MEMO1: variants seen among roughly 807,000 people sequenced by gnomAD.
The protein encoded by MEMO1 is protein MEMO1.
In MEMO1, 6 loss-of-function variants were observed where a neutral mutation model predicts 45.2. The observed-to-expected ratio is 0.13, with a 90% CI of 0.07 to 0.26. The LOEUF (loss-of-function observed/expected upper bound fraction) is 0.26. MEMO1 is among the 10% of genes least tolerant of loss of function. The pLI, the probability that MEMO1 is intolerant of heterozygous loss-of-function variation, is 1.00. For synonymous variants in MEMO1, 78 were observed against 124.3 expected, an observed-to-expected ratio of 0.63 and a Z score of 2.48; for missense variants, 184 against 370.5, an observed-to-expected ratio of 0.50 and a Z score of 4.13.
chr2:31,947,521 G>C (rs1405387472), intron 2 of MEMO1, among the ~76,000 whole-genome samples: 1 of 152,126 alleles, frequency 6.6e-6, no homozygotes, highest in African/African-American at 2.4e-5. Context: ...AATACCACTG[G>C]GTTTGAAGAA....
chr2:31,995,052 A>G (rs1672423436), intron 2 of MEMO1, among the ~76,000 whole-genome samples: 2 of 152,134 alleles, frequency 1.3e-5, no homozygotes, highest in South Asian at 4.1e-4. Context: ...ATAAACAGGA[A>G]GAAAAATAAT....
intron 3 of MEMO1, among the ~76,000 whole-genome samples, chr2:31,940,683 AG>A (rs1291552801): frequency 6.6e-6 from 1 of 152,150 alleles, no homozygotes; most frequent in Non-Finnish European, 1.5e-5. Context: ...CTAGGACTAC[AG>A]TTGCATCCCA....
intron 3 of MEMO1, among the ~76,000 whole-genome samples, chr2:31,935,095 T>C (rs780585120): frequency 6.6e-6 from 1 of 152,098 alleles, no homozygotes; most frequent in Non-Finnish European, 1.5e-5. Context: ...CCATATGAGG[T>C]AGGAATTATT....
chr2:31,956,828 T>C (rs1475650283), intron 2 of MEMO1, among the ~76,000 whole-genome samples: 1 of 152,148 alleles, frequency 6.6e-6, no homozygotes, highest in East Asian at 1.9e-4. Context: ...TGTATTTATG[T>C]AGAATATCTC....
At chr2:31,881,838 C>T (rs763707316) in intron 8 of MEMO1, among the ~76,000 whole-genome samples, 16 of 151,634 alleles carry the variant, frequency 1.1e-4, no homozygotes, top group Admixed American at 3.9e-4. Flanking sequence ...CTTGTCTCTA[C>T]AAAAAAAGAA....
chr2:31,920,380 T>C (rs1462128990), intron 5 of MEMO1, among the ~76,000 whole-genome samples: 1 of 152,086 alleles, frequency 6.6e-6, no homozygotes, highest in Non-Finnish European at 1.5e-5. Flanking sequence ...TTTTTTCCCA[T>C]AAAAATCATT....
chr2:31,914,961 TAAAA>T (rs34556047), intron 6 of MEMO1, among the ~76,000 whole-genome samples: 84 of 120,226 alleles, frequency 7.0e-4, no homozygotes, highest in African/African-American at 2.7e-3. Context: ...TGTCTCTTTT[TAAAA>T]AAAAAAAAAA....
intron 2 of MEMO1, among the ~76,000 whole-genome samples, chr2:31,947,305 CTAAGG>C (rs1290797270): frequency 6.6e-6 from 1 of 152,188 alleles, no homozygotes; most frequent in East Asian, 1.9e-4. Context: ...CCCAAGGACG[CTAAGG>C]TAAGAGCCAA....
intron 3 of MEMO1, among the ~76,000 whole-genome samples, chr2:31,934,469 T>TAA (rs569406028): frequency 3.7e-5 from 5 of 133,996 alleles, no homozygotes; most frequent in Non-Finnish European, 6.5e-5. Flanking sequence ...ATTTCAAAAT[T>TAA]AAAAAAAAAA....
At chr2:31,966,936 G>C (rs1035026514) in intron 2 of MEMO1, among the ~76,000 whole-genome samples, 4 of 151,872 alleles carry the variant, frequency 2.6e-5, no homozygotes, top group African/African-American at 9.7e-5. Flanking sequence ...TAATAACCAA[G>C]TATTTTTATA....
chr2:31,955,188 T>G (rs1399828415), intron 2 of MEMO1, among the ~76,000 whole-genome samples: 3 of 151,420 alleles, frequency 2.0e-5, no homozygotes, highest in Non-Finnish European at 2.9e-5. Flanking sequence ...AGTGAGACCC[T>G]GTCTCAAAAA....
At chr2:31,871,406 T>C (rs1486961456) in intron 8 of MEMO1, among the ~76,000 whole-genome samples, 2 of 152,088 alleles carry the variant, frequency 1.3e-5, no homozygotes, top group African/African-American at 4.8e-5. Flanking sequence ...AACATAGAAA[T>C]TTTACAGTGG....
intron 6 of MEMO1, among the ~76,000 whole-genome samples, chr2:31,903,980 A>T (rs538369707): frequency 6.6e-6 from 1 of 152,322 alleles, no homozygotes; most frequent in South Asian, 2.1e-4. Context: ...CTAACATTTG[A>T]AGACCTTCAT....
intron 6 of MEMO1, among the ~76,000 whole-genome samples, chr2:31,917,496 C>A (rs1681638156): frequency 6.6e-6 from 1 of 152,016 alleles, no homozygotes; most frequent in South Asian, 2.1e-4. Context: ...GTCGAGCATA[C>A]CATAAAAGAG....
At chr2:31,987,258 C>A (rs1025455371) in intron 2 of MEMO1, among the ~76,000 whole-genome samples, 4 of 152,204 alleles carry the variant, frequency 2.6e-5, no homozygotes, top group East Asian at 1.9e-4. Context: ...CTCAGCCCCC[C>A]ACACTGCTGG....
chr2:31,895,495 G>A (rs1019693411), intron 6 of MEMO1, among the ~76,000 whole-genome samples: 18 of 152,140 alleles, frequency 1.2e-4, no homozygotes, highest in African/African-American at 3.6e-4. Context: ...AAATTCAAAT[G>A]AGTTCACCAG....
At chr2:31,905,608 CTGCA>C (rs1474217727) in intron 6 of MEMO1, among the ~76,000 whole-genome samples, 2 of 152,152 alleles carry the variant, frequency 1.3e-5, no homozygotes, top group Non-Finnish European at 2.9e-5. Flanking sequence ...AGAGAAATTC[CTGCA>C]TGTTTTTAAA....
intron 9 of MEMO1, among the ~76,000 whole-genome samples, chr2:31,869,108 A>G (rs1276945068): frequency 6.6e-6 from 1 of 152,098 alleles, no homozygotes; most frequent in Non-Finnish European, 1.5e-5. Flanking sequence ...AAAACCCACA[A>G]TATATTACCT....
intron 6 of MEMO1, among the ~76,000 whole-genome samples, chr2:31,895,524 T>C (rs964509096): frequency 4.6e-5 from 7 of 152,114 alleles, no homozygotes; most frequent in East Asian, 1.9e-4. Context: ...AAGAGCAGAT[T>C]TGATATTATA....
Sources: gnomAD v4.1 joint callset for allele counts (sites outside exome capture counted in the v4.1 genomes callset) on GRCh38, gnomAD v4.1.1 for gene constraint, MANE v1.5 for transcripts, NCBI Gene and HGNC (gene_info 2026-07-23, HGNC 2026-07-21) for gene names.